Variants in SYNRG observed in about 807,000 individuals in gnomAD.
SYNRG encodes synergin gamma.
A neutral mutation model predicts 130.9 loss-of-function variants in SYNRG; 37 were observed. The ratio of observed to expected loss-of-function variants is 0.28; its 90% CI spans 0.22 to 0.37. The LOEUF (loss-of-function observed/expected upper bound fraction) is 0.37. SYNRG is among the 10% of genes least tolerant of loss of function. The pLI is 1.00. For synonymous variants in SYNRG, 539 were observed against 568.1 expected, an observed-to-expected ratio of 0.95 and a Z score of 0.73; for missense variants, 1,338 against 1,588.9, an observed-to-expected ratio of 0.84 and a Z score of 2.68.
chr17:37,548,870 C>T lies in SYNRG; in HGVS notation c.2608+4245G>A, dbSNP rs545158644. Among the ~76,000 whole-genome samples, 3 of 149,686 alleles carry T rather than the reference C, an allele frequency of 2.0e-5. No individual in the cohort carries two copies. In the East Asian group the frequency reaches 5.9e-4, roughly 29 times the overall value. ...ACACAAAAAAACGGGCGTGGTGGCT[C>T]ATGCCTGTAATCCCAGCACTTTGGG... On this transcript the variant is annotated intron_variant, in intron 14 of 21. Transcript: ENST00000612223.
At position 37,565,602 on chromosome 17, in the gene SYNRG, C is replaced by T. The variant is rs1471581916; in HGVS notation, c.1481+3189G>A. On this transcript the variant is annotated intron_variant, in intron 11 of 21. Transcript: ENST00000612223. ...GCCATCCCATCTAGGAAGTGAGGAG[C>T]GCCTCTTCCCGGCTGCCATCACATC... Among the ~76,000 whole-genome samples the T allele has an allele frequency of 4.0e-5, 6 of 151,678 alleles. No homozygotes were observed. The South Asian group carries it at 6.3e-4, about 16-fold the overall frequency.
At position 37,553,763 on chromosome 17, in the gene SYNRG, T is replaced by C; in HGVS notation, c.1960A>G (p.Thr654Ala). 2.5e-6 allele frequency: 4 copies of C among 1,612,600 alleles called. No individual in the cohort carries two copies. The highest frequency in any genetic ancestry group is 1.7e-6 in the Non-Finnish European group (2 of 1,179,694). ...TTTGTTGCTGCCAATGCTGTCATAG[T>C]AGCAGCAGAACCTGTTGACTGTGGT... ...STPQSTGSAA[T>A]MTALAATKTS... Residue 654 changes from threonine (T) to alanine (A), a missense_variant, in exon 14 of 22, where the codon ACT becomes GCT. Thr to Ala is a moderately conservative substitution (Grantham distance 58, BLOSUM62 0). Around this residue, in one of 3 missense-constraint regions of SYNRG, gnomAD observed 1,146 missense variants for 1,342.3 expected, o/e 0.85. Transcript: ENST00000612223.
chr17:37,529,673 G>A (rs2056400883), intron 19 of SYNRG: 1 of 989,620 alleles, frequency 1.0e-6, no homozygotes, highest in Non-Finnish European at 1.5e-6. Context: ...TTCACCTGGT[G>A]AGAGGAGCTA....
Position 37,515,000 on chromosome 17 carries a change from G to A in SYNRG, c.*3940C>T, listed in dbSNP as rs1449596312. 6.6e-6 allele frequency: 1 copy of A among 152,124 alleles called. No homozygotes were observed. Among genetic ancestry groups the A allele is most frequent in the African/African-American group, 2.4e-5 (1 of 41,416 alleles). The allele number at this position is 152,124 out of a possible 1,614,324, so 9.4% of individuals were successfully genotyped here. ...GGCGCGAATTCCACATCACGCAGAA[G>A]ACAACGCATTTCGCTAAGGGCCACA... On this transcript the variant is annotated 3_prime_UTR_variant, in exon 22 of 22. Transcript: ENST00000612223.
chr17:37,545,228 A>AT (rs2058169613), intron 14 of SYNRG, among the ~76,000 whole-genome samples: 1 of 151,530 alleles, frequency 6.6e-6, no homozygotes, highest in African/African-American at 2.4e-5. Context: ...TCAAAAAAAA[A>AT]AAATAATAAT....
At chr17:37,602,320 A>G (rs1183818417) in intron 1 of SYNRG, among the ~76,000 whole-genome samples, 1 of 151,892 alleles carries the variant, frequency 6.6e-6, no homozygotes, top group East Asian at 1.9e-4. Context: ...CTGGGCAACA[A>G]GAGTGAAACT....
chr17:37,522,823 T>C (rs745883262), intron 19 of SYNRG, among the ~76,000 whole-genome samples: 6 of 151,838 alleles, frequency 4.0e-5, no homozygotes, highest in African/African-American at 9.7e-5. Context: ...GTATTTTGAG[T>C]AGAGACGGGG....
Position 37,553,796 on chromosome 17 carries a change from C to G in SYNRG, c.1927G>C (p.Val643Leu), listed in dbSNP as rs748934949. ...GAACCTGTTGACTGTGGTGTAGAAA[C>G]TGATTTTGATGTGCTAAACACAGCT... ...FSAVFSTSKSVSTPQSTGSAA... is the reference protein window; with the variant it reads ...FSAVFSTSKSLSTPQSTGSAA... The change falls in exon 14 of 22, where the codon GTT becomes CTT. Residue 643 changes from valine to leucine, a missense_variant. By Grantham distance (32) the Val-to-Leu change is conservative (BLOSUM62 1). This residue lies in a region of SYNRG where 1,146 missense variants were observed against 1,342.3 expected (regional missense o/e 0.85). Coordinates refer to ENST00000612223, the MANE Select transcript of SYNRG (RefSeq NM_007247.6). 3.1e-6 allele frequency: 5 copies of G among 1,612,562 alleles called. No individual in the cohort carries two copies. The highest frequency in any genetic ancestry group is 4.2e-6 in the Non-Finnish European group (5 of 1,179,742).
At chr17:37,598,665 T>C (rs2062994223) in intron 2 of SYNRG, among the ~76,000 whole-genome samples, 1 of 152,178 alleles carries the variant, frequency 6.6e-6, no homozygotes, top group Admixed American at 6.5e-5. Context: ...GATCCATGCA[T>C]AATTTAAAGC....
At chr17:37,573,486 G>A (rs2060591821) in intron 8 of SYNRG, among the ~76,000 whole-genome samples, 1 of 152,102 alleles carries the variant, frequency 6.6e-6, no homozygotes, top group African/African-American at 2.4e-5. Context: ...AAGGAAGAGG[G>A]CGAAAGTAAA....
chr17:37,564,572 A>C (rs2059779849), intron 11 of SYNRG, among the ~76,000 whole-genome samples: 1 of 152,184 alleles, frequency 6.6e-6, no homozygotes, highest in Non-Finnish European at 1.5e-5. Context: ...TTATTTTCTC[A>C]CAGACCAACA....
intron 6 of SYNRG, among the ~76,000 whole-genome samples, chr17:37,580,246 G>C (rs903639539): frequency 4.6e-5 from 7 of 151,160 alleles, no homozygotes; most frequent in African/African-American, 1.7e-4. Context: ...CACTTGCATA[G>C]ATCATATTTC....
intron 8 of SYNRG, among the ~76,000 whole-genome samples, chr17:37,572,479 G>GCAGA (rs1239474227): frequency 6.6e-6 from 1 of 152,038 alleles, no homozygotes; most frequent in Non-Finnish European, 1.5e-5. Flanking sequence ...GAAATGTCCA[G>GCAGA]CAGACAATTA....
intron 15 of SYNRG, chr17:37,541,345 T>C: frequency 1.4e-6 from 1 of 735,630 alleles, no homozygotes; most frequent in Non-Finnish European, 1.7e-6. Context: ...GTAGGTCCGC[T>C]GAGACAGGAA....
intron 1 of SYNRG, among the ~76,000 whole-genome samples, chr17:37,607,977 A>AAAAAAAAAC (rs1555802869): frequency 1.2e-4 from 15 of 121,584 alleles, no homozygotes; most frequent in South Asian, 5.1e-4. Flanking sequence ...AAAAAAAAAA[A>AAAAAAAAAC]AAACAAGACA....
chr17:37,573,743 G>A (rs925303186), intron 8 of SYNRG, among the ~76,000 whole-genome samples: 2 of 151,740 alleles, frequency 1.3e-5, no homozygotes, highest in Non-Finnish European at 2.9e-5. Flanking sequence ...TAAATTGAAG[G>A]GGACATAAAA....
At chr17:37,582,040 G>C (rs1016654523) in intron 6 of SYNRG, among the ~76,000 whole-genome samples, 3 of 152,088 alleles carry the variant, frequency 2.0e-5, no homozygotes, top group Admixed American at 6.5e-5. Context: ...TGGGATTATA[G>C]GCTTGAGCAA....
chr17:37,600,475 A>G, intron 1 of SYNRG, 72 bp from the exon 2 acceptor site: 1 of 1,475,414 alleles, frequency 6.8e-7, no homozygotes, highest in Admixed American at 1.8e-5. Context: ...GTACTTTTTT[A>G]TATGGATAAA....
intron 11 of SYNRG, among the ~76,000 whole-genome samples, chr17:37,561,835 G>A (rs1241620826): frequency 1.3e-5 from 2 of 151,590 alleles, no homozygotes; most frequent in Non-Finnish European, 2.9e-5. Flanking sequence ...TAAATGAAGA[G>A]GGGTCAGATC....
Sources: gnomAD v4.1 joint callset for allele counts (sites outside exome capture counted in the v4.1 genomes callset) on GRCh38, gnomAD v4.1.1 for gene constraint, gnomAD v4.1.1 regional missense constraint, MANE v1.5 for transcripts, NCBI Gene and HGNC (gene_info 2026-07-23, HGNC 2026-07-21) for gene names.